GUCY1B1: variants seen among roughly 807,000 people sequenced by gnomAD.
GUCY1B1 encodes the protein guanylate cyclase soluble subunit beta-1.
In GUCY1B1, 43 loss-of-function variants were observed where a neutral mutation model predicts 71.0. That is an observed-to-expected ratio of 0.61 (90% confidence interval 0.47 to 0.78). GUCY1B1 has a LOEUF of 0.78. Among genes scored for constraint, GUCY1B1 ranks in the 30% least tolerant of loss-of-function variants. The pLI, the probability that GUCY1B1 is intolerant of heterozygous loss-of-function variation, is 0.00. For missense variants in GUCY1B1, 535 were observed against 754.1 expected (o/e 0.71, Z 3.40); for synonymous variants, 266 against 259.7 (o/e 1.02, Z -0.23).
At chr4:155,803,044 T>C (rs1279309189) in intron 10 of GUCY1B1, among the ~76,000 whole-genome samples, 1 of 152,202 alleles carries the variant, frequency 6.6e-6, no homozygotes, top group African/African-American at 2.4e-5. Flanking sequence ...TTTTTGCCCT[T>C]TGTTTCATTT....
rs2111193991 is a variant in GUCY1B1, at chr4:155,807,143, C to T, written c.*734C>T. On this transcript the variant is annotated 3_prime_UTR_variant, in exon 14 of 14. Coordinates refer to ENST00000264424, the MANE Select transcript of GUCY1B1 (RefSeq NM_000857.5). ...ATCCCCTGTATTAAATCTCATTAAC[C>T]ACAGGCAGCTGTTACAGAAAGCTGC... 6.6e-6 allele frequency: 1 copy of T among 152,220 alleles called. No individual in the cohort carries two copies. The highest frequency in any genetic ancestry group is 1.9e-4 in the East Asian group (1 of 5,190). The allele number at this position is 152,220 out of a possible 1,614,324, so 9.4% of individuals were successfully genotyped here.
At chr4:155,773,634 A>G (rs1240445136) in intron 2 of GUCY1B1, among the ~76,000 whole-genome samples, 4 of 152,202 alleles carry the variant, frequency 2.6e-5, no homozygotes, top group African/African-American at 9.7e-5. Context: ...GCTACTGGTG[A>G]CAACATCCTT....
rs1354045993 is a variant in GUCY1B1, at chr4:155,787,525, TTTCA to T, written c.298-2188_298-2185del. Among the ~76,000 whole-genome samples the T allele has an allele frequency of 4.6e-5, 7 of 152,320 alleles. No individual in the cohort carries two copies. The South Asian group carries it at 6.2e-4, about 14-fold the overall frequency. On this transcript the variant is annotated intron_variant, in intron 4 of 13. Transcript: ENST00000264424. ...GTTTGAAGTATTTTTAACTCCATTCTTTCAGTCTGAATTGTTGGCTTCCTCATTT... is the reference window on the plus strand; with the variant it reads ...GTTTGAAGTATTTTTAACTCCATTCTGTCTGAATTGTTGGCTTCCTCATTT...
At chr4:155,759,951 G>C in intron 2 of GUCY1B1, 91 bp downstream of exon 2, 2 of 910,116 alleles carry the variant, frequency 2.2e-6, no homozygotes, top group South Asian at 1.5e-5. Context: ...CTGCTGGCCG[G>C]GTCGCGGGCG....
chr4:155,777,878 T>C (rs1738163549), intron 4 of GUCY1B1, among the ~76,000 whole-genome samples: 1 of 152,216 alleles, frequency 6.6e-6, no homozygotes, highest in Admixed American at 6.5e-5. Context: ...AAGTTGTAAA[T>C]TAATGTTCCC....
chr4:155,804,547 T>C (rs1306925719), intron 11 of GUCY1B1, 46 bp from the exon 12 acceptor site: 2 of 1,485,258 alleles, frequency 1.3e-6, no homozygotes, highest in Non-Finnish European at 1.8e-6. Context: ...AAAAAATTCA[T>C]GTGTTAGTGA....
chr4:155,760,802 G>A (rs1736951099), intron 2 of GUCY1B1, among the ~76,000 whole-genome samples: 2 of 152,184 alleles, frequency 1.3e-5, no homozygotes, highest in Admixed American at 6.5e-5. Context: ...TTTCCTGGGT[G>A]GGCAGATGGG....
In GUCY1B1 at chr4:155,800,067, A is replaced by ACAGACAC; in HGVS notation, c.1169_1175dup (p.Leu393ArgfsTer15). 2.5e-6 allele frequency: 4 copies of ACAGACAC among 1,606,484 alleles called. No individual in the cohort carries two copies. The highest frequency in any genetic ancestry group is 3.4e-6 in the Non-Finnish European group (4 of 1,174,138). On this transcript the variant is annotated frameshift_variant, in exon 9 of 14. Coordinates refer to ENST00000264424, the MANE Select transcript of GUCY1B1 (RefSeq NM_000857.5). LOFTEE classifies it high-confidence loss of function. The stretch of plus-strand genomic sequence containing the variant: ...AGCCCTGGAAGATGAAAAGAAAAAG[A>ACAGACAC]CAGACACGTAAGAATGTAACGCTTG...
At chr4:155,793,257 A>G (rs911375689) in intron 5 of GUCY1B1, among the ~76,000 whole-genome samples, 9 of 151,932 alleles carry the variant, frequency 5.9e-5, no homozygotes, top group Admixed American at 2.6e-4. Flanking sequence ...TTGTATTTTT[A>G]GTAGAGATGG....
intron 9 of GUCY1B1, among the ~76,000 whole-genome samples, chr4:155,800,965 T>C (rs1053150634): frequency 6.6e-6 from 1 of 152,196 alleles, no homozygotes; most frequent in Non-Finnish European, 1.5e-5. Context: ...TTTTTTTGTA[T>C]TGTGACTCAA....
chr4:155,803,537 C>A, intron 10 of GUCY1B1, 87 bp from the exon 11 acceptor site: 3 of 935,066 alleles, frequency 3.2e-6, no homozygotes, highest in Non-Finnish European at 4.4e-6. Context: ...TGCTGGTAGA[C>A]TTGAAAAAAT....
At position 155,796,414 on chromosome 4, in the gene GUCY1B1, A is replaced by C; in HGVS notation, c.881A>C (p.Asp294Ala). 2 of 1,613,264 alleles carry C rather than the reference A, an allele frequency of 1.2e-6. No individual in the cohort carries two copies. Among genetic ancestry groups the C allele is most frequent in the South Asian group, 1.1e-5 (1 of 91,064 alleles). Reference protein sequence around the residue: ...LLDVEKLECEDELTGTEISCL... With the variant: ...LLDVEKLECEAELTGTEISCL... Reference sequence around the variant, plus strand: ...GATGTGGAGAAATTAGAATGTGAGGATGAACTGACTGGGACTGAGATCAGC... The same window carrying C: ...GATGTGGAGAAATTAGAATGTGAGGCTGAACTGACTGGGACTGAGATCAGC... The change falls in exon 8 of 14, where the codon GAT becomes GCT. Residue 294 changes from aspartate (D) to alanine (A), a missense_variant. Asp to Ala is a moderately radical substitution (Grantham distance 126). Transcript: ENST00000264424.
intron 2 of GUCY1B1, among the ~76,000 whole-genome samples, chr4:155,765,967 A>G (rs1579190095): frequency 1.3e-5 from 2 of 152,288 alleles, no homozygotes; most frequent in South Asian, 4.1e-4. Context: ...TAGTGCTGTA[A>G]TGCAAGAGTT....
intron 2 of GUCY1B1, among the ~76,000 whole-genome samples, chr4:155,771,769 T>C (rs1490128257): frequency 1.3e-5 from 2 of 152,188 alleles, no homozygotes; most frequent in African/African-American, 4.8e-5. Flanking sequence ...TTTTTATACT[T>C]GTGGAAAAAA....
chr4:155,777,677 GT>G (rs1738152455), intron 4 of GUCY1B1, 35 bp downstream of exon 4: 1 of 1,008,196 alleles, frequency 9.9e-7, no homozygotes, highest in East Asian at 2.4e-5. Context: ...TAAAAGTTCT[GT>G]GTTTATAACT....
At chr4:155,770,624 C>G (rs1561004273) in intron 2 of GUCY1B1, among the ~76,000 whole-genome samples, 1 of 152,110 alleles carries the variant, frequency 6.6e-6, no homozygotes, top group African/African-American at 2.4e-5. Flanking sequence ...GCGATACCTC[C>G]AATTAACTTT....
chr4:155,788,501 C>T (rs1738949401), intron 4 of GUCY1B1, among the ~76,000 whole-genome samples: 1 of 152,202 alleles, frequency 6.6e-6, no homozygotes, highest in Admixed American at 6.5e-5. Flanking sequence ...CTAGGTTGGG[C>T]TCACCTGGAT....
At chr4:155,800,953 A>AT (rs1482063826) in intron 9 of GUCY1B1, among the ~76,000 whole-genome samples, 5 of 152,064 alleles carry the variant, frequency 3.3e-5, no homozygotes, top group African/African-American at 9.6e-5. Flanking sequence ...TCTAGGTTTC[A>AT]TTTTTTTTGT....
At chr4:155,765,420 C>T (rs1189575334) in intron 2 of GUCY1B1, among the ~76,000 whole-genome samples, 2 of 152,088 alleles carry the variant, frequency 1.3e-5, no homozygotes, top group African/African-American at 4.8e-5. Context: ...TCCTTTGCCT[C>T]CTTGTTCGTT....
Sources: gnomAD v4.1 joint callset for allele counts (sites outside exome capture counted in the v4.1 genomes callset) on GRCh38, gnomAD v4.1.1 for gene constraint, MANE v1.5 for transcripts, NCBI Gene and HGNC (gene_info 2026-07-23, HGNC 2026-07-21) for gene names.